Variants in CCZ1B observed in about 807,000 individuals in gnomAD.
CCZ1B encodes the protein CCZ1B vacuolar protein trafficking and biogenesis associated.
Under a neutral mutation model 58.8 loss-of-function variants are expected in CCZ1B, and 25 were observed. The observed-to-expected ratio is 0.43, with a 90% CI of 0.31 to 0.59. CCZ1B has a LOEUF of 0.59. CCZ1B is among the 20% of genes least tolerant of loss of function. The pLI, the probability that CCZ1B is intolerant of heterozygous loss-of-function variation, is 0.12. For missense variants in CCZ1B, 180 were observed against 501.5 expected, an observed-to-expected ratio of 0.36 and a Z score of 6.12; for synonymous variants, 66 against 173.2, an observed-to-expected ratio of 0.38 and a Z score of 4.86.
chr7:6,807,542 A>G (rs1480068476), intron 10 of CCZ1B, among the ~76,000 whole-genome samples: 1 of 149,180 alleles, frequency 6.7e-6, no homozygotes, highest in Non-Finnish European at 1.5e-5. Flanking sequence ...GCTAGACTAT[A>G]CAACAAGAAA....
At chr7:6,822,248 A>G in intron 6 of CCZ1B, 33 bp downstream of exon 6, 2 of 1,560,110 alleles carry the variant, frequency 1.3e-6, no homozygotes, top group South Asian at 2.4e-5. Context: ...ATGAATGCTT[A>G]GTAAAGTTAT....
intron 9 of CCZ1B, 31 bp from the exon 10 acceptor site, chr7:6,812,094 C>G (rs780119196): frequency 2.2e-6 from 2 of 917,378 alleles, no homozygotes; most frequent in East Asian, 4.8e-5. Context: ...TGACTTGATT[C>G]AACGAGGTGA....
intron 7 of CCZ1B, among the ~76,000 whole-genome samples, chr7:6,816,099 G>A (rs74460832): frequency 0.14 from 19,707 of 145,440 alleles, 1,037 homozygotes; most frequent in East Asian, 0.2. Flanking sequence ...AGAGAAACTA[G>A]CAGGTATCAG....
chr7:6,814,491 G>A (rs145260041), intron 8 of CCZ1B, among the ~76,000 whole-genome samples: 2,357 of 149,720 alleles, frequency 0.016, 297 homozygotes, highest in African/African-American at 0.056. Flanking sequence ...TCGAGACTCC[G>A]TCTCAAAAAC....
At chr7:6,803,886 T>C (rs1381793834) in intron 12 of CCZ1B, among the ~76,000 whole-genome samples, 1 of 145,536 alleles carries the variant, frequency 6.9e-6, no homozygotes, top group African/African-American at 2.5e-5. Flanking sequence ...GAGGCGGAGG[T>C]TGCAGTGAGC....
chr7:6,817,544 A>G (rs1476190587), intron 7 of CCZ1B, among the ~76,000 whole-genome samples: 3 of 149,566 alleles, frequency 2.0e-5, no homozygotes, highest in South Asian at 2.1e-4. Flanking sequence ...TGTCATTTCC[A>G]TCTGTGGAGG....
Position 6,820,597 on chromosome 7 carries a change from T to C in CCZ1B, c.523-656A>G, listed in dbSNP as rs982463352. Among the ~76,000 whole-genome samples, 147 of 148,758 alleles carry C rather than the reference T, an allele frequency of 9.9e-4. 5 individuals carry two copies. Among genetic ancestry groups the C allele is most frequent in the Admixed American group, 1.3e-3 (19 of 14,886 alleles). On this transcript the variant is annotated intron_variant, in intron 6 of 14. Transcript: ENST00000316731. ...TCCCAAAGCGCTGGGAATACAGGCA[T>C]GAGCCACTGTGCCCAGCTAGCACTT...
chr7:6,818,297 G>C (rs368717180), intron 7 of CCZ1B, among the ~76,000 whole-genome samples: 1 of 149,570 alleles, frequency 6.7e-6, no homozygotes. Context: ...ACCTGTAATC[G>C]CGGCACTTTG....
At position 6,815,651 on chromosome 7, in the gene CCZ1B, C is replaced by T. The variant is rs140927778; in HGVS notation, c.699-806G>A. ...TATATCAAGAGGCTCACCACCTGACCGCGAAGTTAAGGAAGGTAAAGAGTT... is the reference window on the plus strand; with the variant it reads ...TATATCAAGAGGCTCACCACCTGACTGCGAAGTTAAGGAAGGTAAAGAGTT... On this transcript the variant is annotated intron_variant, in intron 7 of 14. Transcript: ENST00000316731. Among the ~76,000 whole-genome samples the T allele has an allele frequency of 3.0e-3, 440 of 148,802 alleles. 14 individuals are homozygous for T. The East Asian group carries it at 0.065, about 22-fold the overall frequency.
intron 8 of CCZ1B, among the ~76,000 whole-genome samples, chr7:6,814,038 T>C (rs866648087): frequency 5.4e-5 from 8 of 148,366 alleles, no homozygotes; most frequent in African/African-American, 7.7e-5. Context: ...CTCAGCTACT[T>C]GGGAGCCTGA....
intron 5 of CCZ1B, 161 bp from the exon 6 acceptor site, chr7:6,822,525 G>T (rs1400571127): frequency 7.7e-7 from 1 of 1,296,642 alleles, no homozygotes; most frequent in African/African-American, 1.6e-5. Context: ...AGTTAAAAAT[G>T]TAAGTTACAA....
chr7:6,803,937 ACT>A (rs1782797122), intron 12 of CCZ1B, among the ~76,000 whole-genome samples: 2 of 133,194 alleles, frequency 1.5e-5, no homozygotes, highest in South Asian at 2.8e-4. Flanking sequence ...GGCAACTGAG[ACT>A]CTGTCTTAAA....
rs538471812 is a variant in CCZ1B at position 6,817,178 on chromosome 7, G to A, written c.699-2333C>T. 2.3e-4 allele frequency among the ~76,000 whole-genome samples: 35 copies of A among 152,166 alleles called. No homozygotes were observed. The East Asian group carries it at 6.5e-3, about 28-fold the overall frequency. On this transcript the variant is annotated intron_variant, in intron 7 of 14. Coordinates refer to ENST00000316731, the MANE Select transcript of CCZ1B (RefSeq NM_198097.5). ...AGTTCTGTGCAGCCACCAGAGCTGT[G>A]CCCTGCTCAACCCCTCAGATGCTAT...
chr7:6,810,362 G>T (rs1046290848), intron 10 of CCZ1B, among the ~76,000 whole-genome samples: 3 of 143,322 alleles, frequency 2.1e-5, no homozygotes, highest in Admixed American at 6.7e-5. Context: ...GCATGGCAAA[G>T]AACTCTATGC....
chr7:6,823,950 G>A (rs1783155500), intron 4 of CCZ1B, 139 bp downstream of exon 4: 3 of 593,860 alleles, frequency 5.1e-6, no homozygotes, highest in Non-Finnish European at 8.9e-6. Flanking sequence ...TCATGTAAAT[G>A]ATAAACATAA....
chr7:6,821,251 C>G (rs1192304421), intron 6 of CCZ1B, among the ~76,000 whole-genome samples: 3 of 149,832 alleles, frequency 2.0e-5, no homozygotes, highest in African/African-American at 2.5e-5. Flanking sequence ...ACCTCAAGAT[C>G]TGCCCGCCTC....
chr7:6,818,593 CAGAA>C (rs796919882), intron 7 of CCZ1B, among the ~76,000 whole-genome samples: 1,290 of 105,774 alleles, frequency 0.012, 74 homozygotes, highest in Non-Finnish European at 0.014. Context: ...GAAAGACAGA[CAGAA>C]AGAAAGAAAG....
chr7:6,804,442 G>T (rs1430563226), intron 12 of CCZ1B, among the ~76,000 whole-genome samples: 1 of 123,546 alleles, frequency 8.1e-6, no homozygotes, highest in Non-Finnish European at 1.7e-5. Context: ...AAGCCAGGGA[G>T]AAAGAATTCA....
At chr7:6,800,596 G>C (rs1782749969) in intron 14 of CCZ1B, among the ~76,000 whole-genome samples, 1 of 138,092 alleles carries the variant, frequency 7.2e-6, no homozygotes, top group African/African-American at 2.8e-5. Flanking sequence ...TTGATCCTAG[G>C]AGTTGGGGGC....
Sources: gnomAD v4.1 joint callset for allele counts (sites outside exome capture counted in the v4.1 genomes callset) on GRCh38, gnomAD v4.1.1 for gene constraint, MANE v1.5 for transcripts, NCBI Gene and HGNC (gene_info 2026-07-23, HGNC 2026-07-21) for gene names.